GNB4: variants seen among roughly 807,000 people sequenced by gnomAD.
The protein encoded by GNB4 is G protein subunit beta 4, also known as guanine nucleotide-binding protein subunit beta-4.
A neutral mutation model predicts 45.2 loss-of-function variants in GNB4; 28 were observed. The observed-to-expected ratio is 0.62, with a 90% CI of 0.46 to 0.85. The LOEUF (loss-of-function observed/expected upper bound fraction) is 0.85, where lower values mean the gene tolerates loss of function less well. GNB4 is among the 40% of genes least tolerant of loss of function. GNB4 has a pLI of 0.00. For missense variants in GNB4, 321 were observed against 425.4 expected, an observed-to-expected ratio of 0.75 and a Z score of 2.16; for synonymous variants, 132 against 143.7, an observed-to-expected ratio of 0.92 and a Z score of 0.58.
the GNB4 span, among the ~76,000 whole-genome samples, chr3:179,517,476 G>A: frequency 6.6e-6 from 1 of 152,136 alleles, no homozygotes; most frequent in East Asian, 1.9e-4. Flanking sequence ...ATGGACATGA[G>A]TGAAATTTTG....
chr3:179,456,192 A>G (rs1298629350), upstream of GNB4, among the ~76,000 whole-genome samples: 1 of 150,612 alleles, frequency 6.6e-6, no homozygotes, highest in Non-Finnish European at 1.5e-5. Context: ...GCTCATTGCA[A>G]CCTCAGGTGA....
chr3:179,478,685 C>T, the GNB4 span, among the ~76,000 whole-genome samples: 2 of 152,154 alleles, frequency 1.3e-5, no homozygotes, highest in Admixed American at 1.3e-4. Flanking sequence ...GCTAGGACTA[C>T]AGATGTGCAC....
At chr3:179,458,624 GCATATCCTACA>G in the GNB4 span, among the ~76,000 whole-genome samples, 1 of 152,150 alleles carries the variant, frequency 6.6e-6, no homozygotes, top group Admixed American at 6.5e-5. Flanking sequence ...CATGGTATTT[GCATATCCTACA>G]CATATCCTCC....
In GNB4 at chr3:179,397,144, G is replaced by A. The variant is rs543236060; in HGVS notation, c.*4069C>T. The A allele has an allele frequency of 2.0e-5, 3 of 152,284 alleles. No individual in the cohort carries two copies. In the East Asian group the frequency reaches 5.8e-4, roughly 29 times the overall value. The allele number at this position is 152,284 out of a possible 1,614,324, so 9.4% of individuals were successfully genotyped here. Reference sequence around the variant, plus strand: ...ATCGTCACTATTAAAATGATGACAGGCCCAAATGGGGGATTGTTTAACCAG... The same window carrying A: ...ATCGTCACTATTAAAATGATGACAGACCCAAATGGGGGATTGTTTAACCAG... On this transcript the variant is annotated 3_prime_UTR_variant, in exon 10 of 10. Transcript: ENST00000232564.
In GNB4 at chr3:179,413,394, G is replaced by T; in HGVS notation, c.699+18C>A. 1.9e-6 allele frequency: 3 copies of T among 1,594,520 alleles called. No homozygotes were observed. The highest frequency in any genetic ancestry group is 2.6e-6 in the Non-Finnish European group (3 of 1,162,252). On this transcript the variant is annotated intron_variant, in intron 8 of 9. Transcript: ENST00000232564. The stretch of plus-strand genomic sequence containing the variant: ...TTAAATGCATAATAAATTTTCTCTA[G>T]AAATGCTATTCACTTACACTGACAG...
chr3:179,458,624 G>T, the GNB4 span, among the ~76,000 whole-genome samples: 4 of 152,150 alleles, frequency 2.6e-5, no homozygotes, highest in Non-Finnish European at 2.9e-5. Flanking sequence ...CATGGTATTT[G>T]CATATCCTAC....
the GNB4 span, among the ~76,000 whole-genome samples, chr3:179,474,377 C>G: frequency 6.6e-6 from 1 of 152,102 alleles, no homozygotes; most frequent in Admixed American, 6.5e-5. Flanking sequence ...GCACACGCCA[C>G]CATGCCTGGC....
At chr3:179,489,002 AAAAAAAAAAAAAAAAAAATATATATAT>A in the GNB4 span, among the ~76,000 whole-genome samples, 1 of 36,618 alleles carries the variant, frequency 2.7e-5, no homozygotes, top group Non-Finnish European at 4.5e-5. Context: ...AAAAAAAAAA[AAAAAAAAAAAAAAAAAAATATATATAT>A]ATATATATAT....
chr3:179,454,194 A>C (rs986201296), upstream of GNB4, among the ~76,000 whole-genome samples: 7 of 152,222 alleles, frequency 4.6e-5, no homozygotes, highest in Admixed American at 6.5e-5. Flanking sequence ...TTTCTAACTC[A>C]TTAGGCCCAT....
the GNB4 span, among the ~76,000 whole-genome samples, chr3:179,468,035 A>AAAAAAAAAAAAAT: frequency 4.5e-4 from 40 of 89,856 alleles, no homozygotes; most frequent in Admixed American, 1.9e-3. Flanking sequence ...TGTTGATAAA[A>AAAAAAAAAAAAAT]ATATATATAT....
intron 2 of GNB4, 35 bp downstream of exon 2, chr3:179,426,109 A>G: frequency 1.3e-6 from 2 of 1,561,398 alleles, no homozygotes; most frequent in South Asian, 1.2e-5. Context: ...CTGGTACTAA[A>G]TAAGTGCTAA....
rs116520208 is a variant in GNB4, at chr3:179,448,461, C to T, written c.-43+2885G>A. On this transcript the variant is annotated intron_variant, in intron 1 of 9. Transcript: ENST00000232564. ...GTTCTTTAATCTTTAATCCTGTGCT[C>T]AAAACTTACTTGGTTTTTTTTTTTT... Among the ~76,000 whole-genome samples, 853 of 151,480 alleles carry T rather than the reference C, an allele frequency of 5.6e-3. 4 individuals carry two copies. Among genetic ancestry groups the T allele is most frequent in the Non-Finnish European group, 7.9e-3 (535 of 67,920 alleles).
chr3:179,448,026 G>A (rs1343553345), intron 1 of GNB4, among the ~76,000 whole-genome samples: 1 of 152,160 alleles, frequency 6.6e-6, no homozygotes, highest in Non-Finnish European at 1.5e-5. Context: ...ATCCAGTTTG[G>A]CAAGACTGAC....
the GNB4 span, among the ~76,000 whole-genome samples, chr3:179,520,619 C>T: frequency 2.3e-3 from 353 of 152,280 alleles, no homozygotes; most frequent in Non-Finnish European, 3.3e-3. Flanking sequence ...TCCCACCTGA[C>T]GCATATACTT....
At chr3:179,423,846 T>C (rs910585195) in intron 2 of GNB4, among the ~76,000 whole-genome samples, 7 of 150,662 alleles carry the variant, frequency 4.6e-5, no homozygotes, top group South Asian at 2.1e-4. Context: ...ACTCAACAGA[T>C]AGGATTTCCA....
Position 179,397,074 on chromosome 3 carries a change from A to T in GNB4, c.*4139T>A, listed in dbSNP as rs561057581. On this transcript the variant is annotated 3_prime_UTR_variant, in exon 10 of 10. Coordinates refer to ENST00000232564, the MANE Select transcript of GNB4 (RefSeq NM_021629.4). ...AATTTGAACATAATATTTAATTTTT[A>T]AAAAAATTCAGCCTGACTCCGACCC... 21 of 152,308 alleles carry T rather than the reference A, an allele frequency of 1.4e-4. No individual in the cohort carries two copies. The highest frequency in any genetic ancestry group is 4.3e-4 in the African/African-American group (18 of 41,568). The allele number at this position is 152,308 out of a possible 1,614,324, so 9.4% of individuals were successfully genotyped here.
chr3:179,492,587 G>A, the GNB4 span, among the ~76,000 whole-genome samples: 1 of 152,102 alleles, frequency 6.6e-6, no homozygotes, highest in Non-Finnish European at 1.5e-5. Context: ...AGCAGTATGG[G>A]CAACTGGTAC....
the GNB4 span, among the ~76,000 whole-genome samples, chr3:179,462,939 G>C: frequency 1.3e-5 from 2 of 152,090 alleles, no homozygotes; most frequent in Non-Finnish European, 2.9e-5. Context: ...AACCTCATTT[G>C]TGAATAGCAA....
chr3:179,417,447 A>G (rs1714832733), intron 4 of GNB4, among the ~76,000 whole-genome samples: 1 of 149,920 alleles, frequency 6.7e-6, no homozygotes, highest in Non-Finnish European at 1.5e-5. Context: ...TCACTGTGAC[A>G]CCCAGGTTAG....
Sources: gnomAD v4.1 joint callset for allele counts (sites outside exome capture counted in the v4.1 genomes callset) on GRCh38, gnomAD v4.1.1 for gene constraint, MANE v1.5 for transcripts, NCBI Gene and HGNC (gene_info 2026-07-23, HGNC 2026-07-21) for gene names.